Variants in GLRA1 observed in about 807,000 individuals in gnomAD.
GLRA1 encodes glycine receptor subunit alpha-1.
In GLRA1, 37 loss-of-function variants were observed where a neutral mutation model predicts 48.3. The ratio of observed to expected loss-of-function variants is 0.77; its 90% CI spans 0.59 to 1.01. The LOEUF is 1.01. GLRA1 is among the 50% of genes least tolerant of loss of function. The pLI, the probability that GLRA1 is intolerant of heterozygous loss-of-function variation, is 0.00. For synonymous variants in GLRA1, 196 were observed against 210.7 expected (o/e 0.93, Z 0.60); for missense variants, 427 against 571.0 (o/e 0.75, Z 2.57).
intron 3 of GLRA1, among the ~76,000 whole-genome samples, chr5:151,876,992 A>G (rs1753642675): frequency 6.6e-6 from 1 of 152,122 alleles, no homozygotes; most frequent in African/African-American, 2.4e-5. Flanking sequence ...GGACACAGTG[A>G]AAAGAAGCTG....
chr5:151,851,273 T>C, intron 7 of GLRA1, 117 bp downstream of exon 7: 1 of 740,000 alleles, frequency 1.4e-6, no homozygotes, highest in South Asian at 1.5e-5. Context: ...CTGCAAAGTA[T>C]AGTAGATAAA....
intron 6 of GLRA1, among the ~76,000 whole-genome samples, chr5:151,854,409 T>A (rs1752983177): frequency 1.3e-5 from 2 of 152,228 alleles, no homozygotes; most frequent in African/African-American, 4.8e-5. Flanking sequence ...TTCCTACCCA[T>A]CCTTCCAGCT....
intron 1 of GLRA1, among the ~76,000 whole-genome samples, chr5:151,895,157 T>C (rs1754198874): frequency 6.6e-6 from 1 of 152,142 alleles, no homozygotes; most frequent in African/African-American, 2.4e-5. Flanking sequence ...GTGAATTGGG[T>C]CACATAGGTT....
At chr5:151,890,293 A>G (rs916014591) in intron 2 of GLRA1, among the ~76,000 whole-genome samples, 3 of 152,180 alleles carry the variant, frequency 2.0e-5, no homozygotes, top group Admixed American at 6.5e-5. Flanking sequence ...TGTCAAGTAC[A>G]GTGGTATGCA....
At chr5:151,909,405 G>A (rs1386825711) in intron 1 of GLRA1, among the ~76,000 whole-genome samples, 1 of 152,128 alleles carries the variant, frequency 6.6e-6, no homozygotes, top group African/African-American at 2.4e-5. Flanking sequence ...AAGCTGTTTG[G>A]AAGTTAAGAG....
intron 1 of GLRA1, among the ~76,000 whole-genome samples, 155 bp downstream of exon 1, chr5:151,924,339 A>AG (rs1267918038): frequency 3.6e-5 from 1 of 27,952 alleles, no homozygotes; most frequent in Non-Finnish European, 7.9e-5. Context: ...GGGGGGTGGG[A>AG]GGGGGGAGAA....
chr5:151,843,330 A>G (rs538173831), intron 7 of GLRA1, among the ~76,000 whole-genome samples: 1 of 139,622 alleles, frequency 7.2e-6, no homozygotes, highest in South Asian at 2.2e-4. Context: ...GTGCGATCTC[A>G]GCTCACTGCA....
intron 7 of GLRA1, chr5:151,850,251 A>T: frequency 4.4e-6 from 7 of 1,604,626 alleles, no homozygotes; most frequent in Non-Finnish European, 6.0e-6. Flanking sequence ...GATGGTGGGT[A>T]CTAATGCTGA....
At chr5:151,856,504 T>G (rs759652243) in intron 4 of GLRA1, 121 bp from the exon 5 acceptor site, 4 of 683,400 alleles carry the variant, frequency 5.9e-6, no homozygotes, top group Non-Finnish European at 8.2e-6. Context: ...AGGGAACTTG[T>G]GTTTGTTTTT....
chr5:151,872,573 G>T (rs1051272140), intron 3 of GLRA1, among the ~76,000 whole-genome samples: 8 of 149,660 alleles, frequency 5.3e-5, no homozygotes, highest in Admixed American at 1.3e-4. Context: ...CACACAGAGG[G>T]TTATGCACAA....
Position 151,842,705 on chromosome 5 carries a change from C to T in GLRA1, c.912+8685G>A, listed in dbSNP as rs73794378. Among the ~76,000 whole-genome samples the T allele has an allele frequency of 1.2e-3, 190 of 152,244 alleles. 1 individual carries two copies. The highest frequency in any genetic ancestry group is 4.4e-3 in the African/African-American group (182 of 41,544). On this transcript the variant is annotated intron_variant, in intron 7 of 8. Transcript: ENST00000274576. ...CAGGAATGAGACAGGAATATCTGTT[C>T]TTACTACTTCTATTCTTCATTGTAC...
chr5:151,823,800 C>A (rs750911386), intron 8 of GLRA1, among the ~76,000 whole-genome samples: 19 of 152,164 alleles, frequency 1.2e-4, no homozygotes, highest in East Asian at 5.8e-4. Flanking sequence ...TGCTCACTAC[C>A]AAAATGCCTG....
At chr5:151,866,617 C>T (rs1230436614) in intron 3 of GLRA1, among the ~76,000 whole-genome samples, 1 of 152,144 alleles carries the variant, frequency 6.6e-6, no homozygotes, top group East Asian at 1.9e-4. Context: ...ATCATTCCAG[C>T]TCCCAAGGGG....
chr5:151,885,213 T>A (rs1297306804), intron 3 of GLRA1, among the ~76,000 whole-genome samples: 2 of 152,238 alleles, frequency 1.3e-5, no homozygotes, highest in Non-Finnish European at 2.9e-5. Context: ...TTTTAATTGA[T>A]AAGCAATATA....
At position 151,855,153 on chromosome 5, in the gene GLRA1, A is replaced by T; in HGVS notation, c.584T>A (p.Ile195Asn). The change falls in exon 6 of 9, where the codon ATC becomes AAC. Residue 195 changes from isoleucine (I) to asparagine (N), a missense_variant. Coordinates refer to ENST00000274576, the MANE Select transcript of GLRA1 (RefSeq NM_000171.4). Reference protein sequence around the residue: ...ESFGYTMNDLIFEWQEQGAVQ... With the variant: ...ESFGYTMNDLNFEWQEQGAVQ... ...GGCTCCCTGTTCCTGCCACTCAAAGATGAGGTCATTCATCGTATATCCAAC... is the reference window on the plus strand; with the variant it reads ...GGCTCCCTGTTCCTGCCACTCAAAGTTGAGGTCATTCATCGTATATCCAAC... 1 of 1,614,000 alleles carries T rather than the reference A, an allele frequency of 6.2e-7. No homozygotes were observed. The highest frequency in any genetic ancestry group is 8.5e-7 in the Non-Finnish European group (1 of 1,179,888).
At chr5:151,827,819 G>A (rs974076377) in intron 8 of GLRA1, among the ~76,000 whole-genome samples, 1 of 152,110 alleles carries the variant, frequency 6.6e-6, no homozygotes, top group Non-Finnish European at 1.5e-5. Flanking sequence ...GCCCTAATCT[G>A]TCAGTGGAAA....
chr5:151,901,433 G>A (rs558982029), intron 1 of GLRA1, among the ~76,000 whole-genome samples: 1 of 152,318 alleles, frequency 6.6e-6, no homozygotes, highest in South Asian at 2.1e-4. Flanking sequence ...CTTGAGTGTT[G>A]AAGAACAAGC....
chr5:151,831,982 T>A (rs531834609), intron 7 of GLRA1, among the ~76,000 whole-genome samples: 7 of 152,278 alleles, frequency 4.6e-5, no homozygotes, highest in Admixed American at 2.6e-4. Context: ...TTCTGCAGTC[T>A]CCACTGGTGA....
intron 1 of GLRA1, among the ~76,000 whole-genome samples, chr5:151,915,729 A>ATG (rs941337556): frequency 1.3e-5 from 2 of 150,370 alleles, no homozygotes; most frequent in African/African-American, 4.9e-5. Context: ...ATATATATAT[A>ATG]TATATATGAA....
Sources: allele counts gnomAD v4.1 joint callset (sites outside exome capture counted in the v4.1 genomes callset), GRCh38; gene constraint gnomAD v4.1.1; transcripts MANE v1.5; gene names NCBI Gene and HGNC (gene_info 2026-07-23, HGNC 2026-07-21).